The following VCAM1 variants were observed in gnomAD, a reference collection of about 807,000 sequenced individuals.
VCAM1 encodes the protein vascular cell adhesion protein 1.
Under a neutral mutation model 63.8 loss-of-function variants are expected in VCAM1, and 41 were observed. The observed-to-expected ratio is 0.64, with a 90% CI of 0.50 to 0.83. The LOEUF (loss-of-function observed/expected upper bound fraction) is 0.83. Ranked by LOEUF, VCAM1 falls within the 40% of genes least tolerant of loss-of-function variation. The pLI, the probability that VCAM1 is intolerant of heterozygous loss-of-function variation, is 0.00. For synonymous variants in VCAM1, 338 were observed against 320.7 expected, an observed-to-expected ratio of 1.05 and a Z score of -0.58; for missense variants, 798 against 875.5, an observed-to-expected ratio of 0.91 and a Z score of 1.12.
intron 4 of VCAM1, among the ~76,000 whole-genome samples, chr1:100,728,715 A>ATATATATAT (rs1660269838): frequency 2.8e-5 from 4 of 145,016 alleles, no homozygotes; most frequent in African/African-American, 1.0e-4. Flanking sequence ...ATTAAATGAG[A>ATATATATAT]ATATATATAT....
At chr1:100,724,402 G>A (rs1335497555) in intron 3 of VCAM1, among the ~76,000 whole-genome samples, 1 of 151,982 alleles carries the variant, frequency 6.6e-6, no homozygotes. Context: ...TAATTTCTGA[G>A]TATCTACAAC....
In VCAM1 at chr1:100,720,686, C is replaced by G. The variant is rs749586059; in HGVS notation, c.275C>G (p.Ser92Cys). Residue 92 changes from serine (S) to cysteine (C), a missense_variant, in exon 2 of 9, where the codon TCT becomes TGT. By Grantham distance (112) the Ser-to-Cys change is moderately radical. Coordinates refer to ENST00000294728, the MANE Select transcript of VCAM1 (RefSeq NM_001078.4). ...MNPVSFGNEH[S>C]YLCTATCESR... ...CCTGTTAGTTTTGGGAACGAACACT[C>G]TTACCTGTGCACAGCAACTTGTGAA... The G allele has an allele frequency of 1.2e-6, 2 of 1,613,248 alleles. No individual in the cohort carries two copies. Among genetic ancestry groups the G allele is most frequent in the Non-Finnish European group, 1.7e-6 (2 of 1,179,476 alleles).
Position 100,731,605 on chromosome 1 carries a change from A to G in VCAM1, c.1525+87A>G. Reference sequence around the variant, plus strand: ...AATAGTTAACATAAGGTTAATCGTTAAAACCTCTGTGGAGAAAAAACGTTA... The same window carrying G: ...AATAGTTAACATAAGGTTAATCGTTGAAACCTCTGTGGAGAAAAAACGTTA... On this transcript the variant is annotated intron_variant, in intron 6 of 8. Coordinates refer to ENST00000294728, the MANE Select transcript of VCAM1 (RefSeq NM_001078.4). This position sits in a 1 kb window ranked among gnomAD's most constrained non-coding sequence, Gnocchi z 4.2. The G allele has an allele frequency of 6.2e-6, 8 of 1,280,324 alleles. No individual in the cohort carries two copies. The South Asian group carries it at 1.1e-4, about 18-fold the overall frequency. The allele number at this position is 1,280,324 out of a possible 1,614,324, so 79.3% of individuals were successfully genotyped here.
At chr1:100,734,028 C>T (rs1660557795) in intron 7 of VCAM1, among the ~76,000 whole-genome samples, 2 of 152,134 alleles carry the variant, frequency 1.3e-5, no homozygotes, top group South Asian at 4.1e-4. Flanking sequence ...GGAAGCAAGG[C>T]ACACCTTAAC....
At chr1:100,736,887 A>G (rs2100836887) in intron 8 of VCAM1, 2 of 152,298 alleles carry the variant, frequency 1.3e-5, no homozygotes, top group Admixed American at 1.3e-4. Context: ...TGTAGTAATC[A>G]CCAAAGTCAG....
intron 8 of VCAM1, chr1:100,736,339 T>A (rs1427054773): frequency 6.6e-6 from 1 of 152,194 alleles, no homozygotes; most frequent in African/African-American, 2.4e-5. Context: ...AAAATGGATA[T>A]TTTTCTGGGT....
rs1660469983 is a variant in VCAM1, at chr1:100,731,811, C to A, written c.1525+293C>A. Among the ~76,000 whole-genome samples, 1 of 152,134 alleles carries A rather than the reference C, an allele frequency of 6.6e-6. No individual in the cohort carries two copies. Among genetic ancestry groups the A allele is most frequent in the African/African-American group, 2.4e-5 (1 of 41,438 alleles). ...ACTCGTGCATTTTCAGTAAGGTTAG[C>A]AGGGCTGGCTGGTCTCAGATGACTT... On this transcript the variant is annotated intron_variant, in intron 6 of 8. Transcript: ENST00000294728. This position sits in a 1 kb window ranked among gnomAD's most constrained non-coding sequence, Gnocchi z 4.2.
chr1:100,735,772 G>A (rs1660627691), intron 8 of VCAM1: 1 of 152,108 alleles, frequency 6.6e-6, no homozygotes, highest in Non-Finnish European at 1.5e-5. Context: ...GTTAAAGAAG[G>A]GGAAAACATC....
chr1:100,723,431 A>G (rs571656362), intron 3 of VCAM1, 91 bp downstream of exon 3: 2 of 1,335,114 alleles, frequency 1.5e-6, no homozygotes, highest in Non-Finnish European at 2.0e-6. Context: ...AAAAAAAAAA[A>G]AAACTTGTAT....
chr1:100,727,716 C>A (rs1280919898), intron 4 of VCAM1, among the ~76,000 whole-genome samples: 1 of 152,120 alleles, frequency 6.6e-6, no homozygotes, highest in African/African-American at 2.4e-5. Flanking sequence ...TGTTCACAGA[C>A]AGGCAGTCGA....
chr1:100,737,317 G>A (rs1571463816), intron 8 of VCAM1: 2 of 152,208 alleles, frequency 1.3e-5, no homozygotes, highest in South Asian at 4.1e-4. Context: ...TTAGCTTAGG[G>A]GAGGAAACTA....
intron 3 of VCAM1, 32 bp downstream of exon 3, chr1:100,723,372 G>T (rs746258749): frequency 1.3e-6 from 2 of 1,592,892 alleles, no homozygotes; most frequent in Non-Finnish European, 1.7e-6. Flanking sequence ...TCCAGTCTTT[G>T]TGGGAATCCC....
intron 7 of VCAM1, 54 bp from the exon 8 acceptor site, chr1:100,734,448 G>C (rs921624452): frequency 6.4e-7 from 1 of 1,550,406 alleles, no homozygotes. Context: ...AAATTAATAT[G>C]GAGTTGGTTT....
In VCAM1 at chr1:100,729,172, A is replaced by C; in HGVS notation, c.994A>C (p.Met332Leu). ...RIAAQIGDSV[M>L]LTCSVMGCES... is the part of the protein sequence containing the mutation. ...TGCTGCTCAGATTGGAGACTCAGTCATGTTGACATGTAGTGTCATGGGCTG... is the reference window on the plus strand; with the variant it reads ...TGCTGCTCAGATTGGAGACTCAGTCCTGTTGACATGTAGTGTCATGGGCTG... The change falls in exon 5 of 9, where the codon ATG becomes CTG. Residue 332 changes from methionine to leucine, a missense_variant. Coordinates refer to ENST00000294728, the MANE Select transcript of VCAM1 (RefSeq NM_001078.4). 6.2e-7 allele frequency: 1 copy of C among 1,613,234 alleles called. No individual in the cohort carries two copies. The highest frequency in any genetic ancestry group is 1.1e-5 in the South Asian group (1 of 91,012).
Position 100,732,592 on chromosome 1 carries a change from T to A in VCAM1, c.1700T>A (p.Ile567Asn), listed in dbSNP as rs1462230861. 1.2e-6 allele frequency: 2 copies of A among 1,613,182 alleles called. No individual in the cohort carries two copies. The highest frequency in any genetic ancestry group is 3.3e-5 in the Admixed American group (2 of 59,868). Reference protein sequence around the residue: ...PLSENATLTLISTKMEDSGVY... With the variant: ...PLSENATLTLNSTKMEDSGVY... ...TCTGAGAATGCAACTCTCACCTTAA[T>A]TTCTACAAAAATGGAAGATTCTGGG... Residue 567 changes from isoleucine (I) to asparagine (N), a missense_variant, in exon 7 of 9, where the codon ATT becomes AAT. Transcript: ENST00000294728.
At chr1:100,734,320 T>G (rs951636756) in intron 7 of VCAM1, among the ~76,000 whole-genome samples, 182 bp from the exon 8 acceptor site, 2 of 152,300 alleles carry the variant, frequency 1.3e-5, no homozygotes, top group Non-Finnish European at 2.9e-5. Context: ...ACTCTCTTAG[T>G]TAAAACATGA....
At chr1:100,727,043 CTGTGTGTGTGTGTGTGTGTG>C (rs57979614) in intron 4 of VCAM1, among the ~76,000 whole-genome samples, 1 of 147,702 alleles carries the variant, frequency 6.8e-6, no homozygotes, top group Non-Finnish European at 1.5e-5. Context: ...ATCAGGAATT[CTGTGTGTGTGTGTGTGTGTG>C]TGTGTGTGTG....
intron 4 of VCAM1, among the ~76,000 whole-genome samples, chr1:100,726,712 T>G (rs1660173090): frequency 6.6e-6 from 1 of 152,070 alleles, no homozygotes; most frequent in Admixed American, 6.6e-5. Flanking sequence ...AGAATTGTAC[T>G]TGGTACTGGG....
Position 100,732,434 on chromosome 1 carries a change from A to G in VCAM1, c.1542A>G (p.Thr514=), listed in dbSNP as rs987326010. ...CCTTTTCAGTTGCCCCCAGAGATAC[A>G]ACCGTCTTGGTCAGCCCTTCCTCCA... ...TLYVNVAPRD[T]TVLVSPSSIL... Residue 514 remains threonine, a synonymous_variant, in exon 7 of 9, where the codon ACA becomes ACG. Transcript: ENST00000294728. The G allele has an allele frequency of 1.3e-6, 2 of 1,573,094 alleles. No homozygotes were observed. Among genetic ancestry groups the G allele is most frequent in the South Asian group, 1.2e-5 (1 of 84,432 alleles).
Sources: gnomAD v4.1 joint callset for allele counts (sites outside exome capture counted in the v4.1 genomes callset) on GRCh38, gnomAD v4.1.1 for gene constraint, Gnocchi (gnomAD v3.1) non-coding constraint, MANE v1.5 for transcripts, NCBI Gene and HGNC (gene_info 2026-07-23, HGNC 2026-07-21) for gene names.